Variants in CAMK1D observed in about 807,000 individuals in gnomAD.
The protein encoded by CAMK1D is calcium/calmodulin-dependent protein kinase type 1D.
A neutral mutation model predicts 47.7 loss-of-function variants in CAMK1D; 9 were observed. That is an observed-to-expected ratio of 0.19 (90% CI 0.11 to 0.33). The LOEUF (loss-of-function observed/expected upper bound fraction) is 0.33, where lower values mean the gene tolerates loss of function less well. Ranked by LOEUF, CAMK1D falls within the 10% of genes least tolerant of loss-of-function variation. The pLI, the probability that CAMK1D is intolerant of heterozygous loss-of-function variation, is 1.00. For missense variants in CAMK1D, 291 were observed against 488.7 expected, an observed-to-expected ratio of 0.60 and a Z score of 3.81; for synonymous variants, 184 against 184.9, an observed-to-expected ratio of 0.99 and a Z score of 0.04.
intron 2 of CAMK1D, among the ~76,000 whole-genome samples, chr10:12,574,816 G>A (rs1837441862): frequency 2.0e-5 from 3 of 152,256 alleles, no homozygotes; most frequent in African/African-American, 7.2e-5. Flanking sequence ...CATGGCAGAA[G>A]GAGGAGCAAA....
chr10:12,562,600 C>G (rs920617949), intron 2 of CAMK1D, among the ~76,000 whole-genome samples: 1 of 152,210 alleles, frequency 6.6e-6, no homozygotes. Context: ...ACCCCTCACC[C>G]CATGTTTCAG....
chr10:12,476,177 A>G (rs1588529821), intron 1 of CAMK1D, among the ~76,000 whole-genome samples: 1 of 152,062 alleles, frequency 6.6e-6, no homozygotes, highest in African/African-American at 2.4e-5. Flanking sequence ...CTATAATCCC[A>G]GCTACTCAGG....
intron 1 of CAMK1D, among the ~76,000 whole-genome samples, chr10:12,457,549 G>A (rs1833290439): frequency 1.3e-5 from 2 of 151,996 alleles, no homozygotes; most frequent in South Asian, 2.1e-4. Context: ...TGGGGAGGCC[G>A]AGACGGGTGG....
rs563885455 is a variant in CAMK1D at position 12,445,415 on chromosome 10, G to T, written c.92+95505G>T. Among the ~76,000 whole-genome samples the T allele has an allele frequency of 3.9e-5, 6 of 152,328 alleles. No individual in the cohort carries two copies. The East Asian group carries it at 1.2e-3, about 29-fold the overall frequency. ...TAGAATTTAGTCAGACTTAGCTTTG[G>T]TTCTGCCATTTTGTTTTGGCTTCCT... On this transcript the variant is annotated intron_variant, in intron 1 of 10. Coordinates refer to ENST00000619168, the MANE Select transcript of CAMK1D (RefSeq NM_153498.4).
chr10:12,651,833 C>G (rs1213728892), intron 2 of CAMK1D, among the ~76,000 whole-genome samples: 1 of 151,676 alleles, frequency 6.6e-6, no homozygotes, highest in African/African-American at 2.4e-5. Flanking sequence ...GGCTGGAGTG[C>G]AGTGGCGCGA....
chr10:12,538,042 TG>T (rs754730533), intron 1 of CAMK1D, among the ~76,000 whole-genome samples: 1 of 152,200 alleles, frequency 6.6e-6, no homozygotes, highest in Non-Finnish European at 1.5e-5. Context: ...TGACACGACT[TG>T]TGTTCCATCT....
At chr10:12,557,437 A>C (rs1252353148) in intron 2 of CAMK1D, among the ~76,000 whole-genome samples, 1 of 151,670 alleles carries the variant, frequency 6.6e-6, no homozygotes, top group Non-Finnish European at 1.5e-5. Flanking sequence ...CTGTAGTCCC[A>C]GCTACTCGGG....
At chr10:12,600,237 G>A (rs773272193) in intron 2 of CAMK1D, among the ~76,000 whole-genome samples, 1 of 152,182 alleles carries the variant, frequency 6.6e-6, no homozygotes, top group South Asian at 2.1e-4. Flanking sequence ...CCAGTTCCCC[G>A]CTTCTTACAT....
chr10:12,669,133 G>C (rs1285517398), intron 3 of CAMK1D, among the ~76,000 whole-genome samples: 1 of 152,148 alleles, frequency 6.6e-6, no homozygotes, highest in Admixed American at 6.5e-5. Flanking sequence ...TCAGGAGGCT[G>C]AGGCAGGAAA....
At chr10:12,475,618 C>T (rs1015695117) in intron 1 of CAMK1D, among the ~76,000 whole-genome samples, 1 of 152,172 alleles carries the variant, frequency 6.6e-6, no homozygotes, top group African/African-American at 2.4e-5. Flanking sequence ...TGAGACCCTT[C>T]CTGCAGTTCC....
chr10:12,716,694 C>T (rs949459227), intron 3 of CAMK1D, among the ~76,000 whole-genome samples: 2 of 151,976 alleles, frequency 1.3e-5, no homozygotes, highest in Non-Finnish European at 2.9e-5. Flanking sequence ...ACTAAATTAA[C>T]AGTATGGCAT....
chr10:12,635,284 C>T (rs1331413253), intron 2 of CAMK1D, among the ~76,000 whole-genome samples: 1 of 152,176 alleles, frequency 6.6e-6, no homozygotes, highest in African/African-American at 2.4e-5. Flanking sequence ...TGAGAATCGT[C>T]ATTTCCTGGG....
chr10:12,504,404 G>A (rs945277078), intron 1 of CAMK1D, among the ~76,000 whole-genome samples: 1 of 152,122 alleles, frequency 6.6e-6, no homozygotes, highest in Non-Finnish European at 1.5e-5. Context: ...ACCAGTGTCC[G>A]AGGTCAGGCG....
intron 3 of CAMK1D, among the ~76,000 whole-genome samples, chr10:12,672,944 T>C (rs1840677405): frequency 7.0e-6 from 1 of 143,588 alleles, no homozygotes; most frequent in Non-Finnish European, 1.5e-5. Flanking sequence ...TTGTCCAGGC[T>C]CTGATGCAGT....
intron 1 of CAMK1D, among the ~76,000 whole-genome samples, chr10:12,352,039 T>C (rs751548260): frequency 2.0e-5 from 3 of 152,210 alleles, no homozygotes; most frequent in Non-Finnish European, 2.9e-5. Flanking sequence ...CTTATGTGTA[T>C]TAACTCATTT....
At chr10:12,816,804 G>A (rs2482026) in intron 8 of CAMK1D, among the ~76,000 whole-genome samples, 64,212 of 148,532 alleles carry the variant, frequency 0.43, 14,629 homozygotes, top group East Asian at 0.5. Flanking sequence ...CTCGGGAGGC[G>A]AAGGTTGCAG....
intron 1 of CAMK1D, among the ~76,000 whole-genome samples, chr10:12,531,421 G>A (rs1835801610): frequency 6.6e-6 from 1 of 152,138 alleles, no homozygotes; most frequent in Admixed American, 6.6e-5. Context: ...ACGTCAGAAG[G>A]TTCTAGTGCC....
intron 1 of CAMK1D, among the ~76,000 whole-genome samples, chr10:12,458,014 G>T (rs576153946): frequency 1.3e-5 from 2 of 152,308 alleles, no homozygotes; most frequent in East Asian, 3.9e-4. Context: ...TCAGCAACCA[G>T]CAAAAGCAAA....
chr10:12,813,926 C>A (rs1396500760), intron 6 of CAMK1D, among the ~76,000 whole-genome samples: 1 of 150,754 alleles, frequency 6.6e-6, no homozygotes, highest in Non-Finnish European at 1.5e-5. Context: ...GCACCAGCCA[C>A]CACACCATGT....
Sources: allele counts gnomAD v4.1 joint callset (sites outside exome capture counted in the v4.1 genomes callset), GRCh38; gene constraint gnomAD v4.1.1; transcripts MANE v1.5; gene names NCBI Gene and HGNC (gene_info 2026-07-23, HGNC 2026-07-21).